C13orf42: variants seen among roughly 807,000 people sequenced by gnomAD.
The protein encoded by C13orf42 is chromosome 13 open reading frame 42.
chr13:51,134,033 CACCAACA>C (rs1228462114), intron 1 of C13orf42, among the ~76,000 whole-genome samples: 1 of 152,172 alleles, frequency 6.6e-6, no homozygotes, highest in Non-Finnish European at 1.5e-5. Context: ...ACCCACCATC[CACCAACA>C]CCACTGCTCC....
upstream of C13orf42, among the ~76,000 whole-genome samples, chr13:51,111,682 T>A (rs1042517998): frequency 4.6e-5 from 7 of 152,224 alleles, no homozygotes; most frequent in African/African-American, 7.2e-5. Flanking sequence ...TGACTCCGGT[T>A]CTGAATTCTC....
chr13:51,089,150 A>G (rs1953158057), intron 1 of C13orf42, among the ~76,000 whole-genome samples: 1 of 152,200 alleles, frequency 6.6e-6, no homozygotes, highest in South Asian at 2.1e-4. Context: ...AGTGAATATG[A>G]TTTATAGACT....
intron 2 of C13orf42, among the ~76,000 whole-genome samples, chr13:51,086,167 C>T (rs561967473): frequency 1.2e-3 from 178 of 152,064 alleles, no homozygotes; most frequent in African/African-American, 3.5e-3. Flanking sequence ...ATTAGCCGGG[C>T]GTGGTGGTGA....
At chr13:51,153,391 C>T (rs1953795856) in intron 1 of C13orf42, among the ~76,000 whole-genome samples, 1 of 151,872 alleles carries the variant, frequency 6.6e-6, no homozygotes, top group African/African-American at 2.4e-5. Context: ...CACCCAATGC[C>T]TATGCTTGTG....
At chr13:51,119,727 T>A (rs1008247245) in intron 1 of C13orf42, among the ~76,000 whole-genome samples, 2 of 151,970 alleles carry the variant, frequency 1.3e-5, no homozygotes, top group Non-Finnish European at 2.9e-5. Context: ...ACAGAAAGAA[T>A]GGTGGTTGCC....
chr13:51,158,513 G>A (rs566834109), intron 1 of C13orf42, among the ~76,000 whole-genome samples: 55 of 152,380 alleles, frequency 3.6e-4, no homozygotes, highest in African/African-American at 1.2e-3. Context: ...CAGTAGCAAT[G>A]ATGGCTGCAC....
At chr13:51,131,479 A>T (rs190378050) in intron 1 of C13orf42, among the ~76,000 whole-genome samples, 285 of 152,278 alleles carry the variant, frequency 1.9e-3, no homozygotes, top group Non-Finnish European at 3.2e-3. Flanking sequence ...TAAGTAAAGA[A>T]TGTCACTTTC....
upstream of C13orf42, among the ~76,000 whole-genome samples, chr13:51,111,447 C>T (rs1441487475): frequency 6.6e-6 from 1 of 152,154 alleles, no homozygotes; most frequent in Admixed American, 6.5e-5. Context: ...TAGAAGGTGG[C>T]GCACTGTGAA....
chr13:51,099,447 C>G (rs1953265057), intron 1 of C13orf42, among the ~76,000 whole-genome samples: 2 of 152,078 alleles, frequency 1.3e-5, no homozygotes, highest in South Asian at 4.1e-4. Context: ...AAAATTATCA[C>G]AAAGAGATAA....
At chr13:51,160,163 C>T (rs1953853881) in intron 1 of C13orf42, among the ~76,000 whole-genome samples, 1 of 152,170 alleles carries the variant, frequency 6.6e-6, no homozygotes, top group Admixed American at 6.5e-5. Flanking sequence ...CCATATCAGA[C>T]AGTATTGACA....
intron 1 of C13orf42, among the ~76,000 whole-genome samples, chr13:51,105,277 C>G (rs73188237): frequency 0.024 from 3,699 of 152,310 alleles, 100 homozygotes; most frequent in Admixed American, 0.067. Flanking sequence ...ACAGCTGGGG[C>G]TCTGAGAAAT....
chr13:51,107,010 G>C (rs1213154742), intron 1 of C13orf42, among the ~76,000 whole-genome samples: 2 of 152,182 alleles, frequency 1.3e-5, no homozygotes, highest in Non-Finnish European at 2.9e-5. Context: ...GGAGTACATT[G>C]CCACAGGGCC....
intron 1 of C13orf42, among the ~76,000 whole-genome samples, chr13:51,155,647 C>T (rs963010890): frequency 6.6e-6 from 1 of 152,226 alleles, no homozygotes; most frequent in African/African-American, 2.4e-5. Flanking sequence ...CTCTCACACT[C>T]GCTGCACACT....
At chr13:51,088,164 C>T (rs1424858625) in intron 1 of C13orf42, 89 bp from the exon 2 acceptor site, 3 of 396,214 alleles carry the variant, frequency 7.6e-6, no homozygotes, top group Non-Finnish European at 8.9e-6. Flanking sequence ...AAACGAAATG[C>T]GCGTGGGGTT....
At chr13:51,171,721 G>C (rs1593562617) in intron 1 of C13orf42, among the ~76,000 whole-genome samples, 1 of 152,202 alleles carries the variant, frequency 6.6e-6, no homozygotes, top group African/African-American at 2.4e-5. Flanking sequence ...TGGAGCTAAA[G>C]GCATAGTCAA....
intron 3 of C13orf42, among the ~76,000 whole-genome samples, chr13:51,085,093 A>G (rs930614489): frequency 1.3e-5 from 2 of 152,018 alleles, no homozygotes; most frequent in Non-Finnish European, 2.9e-5. Context: ...AGACCCAGGA[A>G]GAAGCAAGTT....
chr13:51,091,612 G>A (rs190383267), intron 1 of C13orf42, among the ~76,000 whole-genome samples: 5 of 152,184 alleles, frequency 3.3e-5, no homozygotes, highest in Admixed American at 3.3e-4. Flanking sequence ...CTCCTGGGGT[G>A]CTTTTAAAGA....
intron 1 of C13orf42, among the ~76,000 whole-genome samples, chr13:51,164,534 C>T (rs1199141034): frequency 6.6e-6 from 1 of 152,072 alleles, no homozygotes; most frequent in Non-Finnish European, 1.5e-5. Flanking sequence ...GTAGCACACG[C>T]CTATAGTCCT....
At chr13:51,146,562 T>G (rs1448879151) in intron 1 of C13orf42, among the ~76,000 whole-genome samples, 3 of 152,186 alleles carry the variant, frequency 2.0e-5, no homozygotes, top group Admixed American at 6.5e-5. Flanking sequence ...TAGGGAGACA[T>G]GAGACATCAA....
Sources: gnomAD v4.1 joint callset for allele counts (sites outside exome capture counted in the v4.1 genomes callset) on GRCh38, gnomAD v4.1.1 for gene constraint, MANE v1.5 for transcripts, NCBI Gene and HGNC (gene_info 2026-07-23, HGNC 2026-07-21) for gene names.